The following ERC2 variants were observed in gnomAD, a reference collection of about 807,000 sequenced individuals.
ERC2 encodes ERC protein 2.
ERC2 carries 42 observed loss-of-function variants against 114.8 expected under a neutral mutation model. The ratio of observed to expected loss-of-function variants is 0.37; its 90% CI spans 0.29 to 0.47. The LOEUF (loss-of-function observed/expected upper bound fraction) is 0.47, where lower values mean the gene tolerates loss of function less well. Among genes scored for constraint, ERC2 ranks in the 20% least tolerant of loss-of-function variants. The probability of loss-of-function intolerance (pLI) is 0.99; values close to 1 mark genes in which losing one functional copy is unlikely to be tolerated. For missense variants in ERC2, 939 were observed against 1,150.7 expected, an observed-to-expected ratio of 0.82 and a Z score of 2.66; for synonymous variants, 454 against 425.5, an observed-to-expected ratio of 1.07 and a Z score of -0.82.
At chr3:56,069,758 A>T (rs908747736) in intron 7 of ERC2, among the ~76,000 whole-genome samples, 1 of 152,216 alleles carries the variant, frequency 6.6e-6, no homozygotes, top group African/African-American at 2.4e-5. Flanking sequence ...TGGTTCTCAA[A>T]ATCAGCAATC....
chr3:56,147,037 T>C (rs1212546094), intron 5 of ERC2, among the ~76,000 whole-genome samples: 1 of 152,218 alleles, frequency 6.6e-6, no homozygotes, highest in East Asian at 1.9e-4. Context: ...ACAAATTTCA[T>C]GACATTTTCA....
chr3:56,033,354 T>C (rs1449625415), intron 7 of ERC2, among the ~76,000 whole-genome samples: 1 of 152,256 alleles, frequency 6.6e-6, no homozygotes, highest in African/African-American at 2.4e-5. Context: ...TGTTCCACTA[T>C]TACAGTTTTA....
At chr3:56,267,622 A>AG (rs2053403468) in intron 3 of ERC2, among the ~76,000 whole-genome samples, 1 of 151,414 alleles carries the variant, frequency 6.6e-6, no homozygotes, top group African/African-American at 2.4e-5. Context: ...ATACAAAAAA[A>AG]AAAAAAATTA....
intron 2 of ERC2, among the ~76,000 whole-genome samples, chr3:56,407,583 C>A (rs1467068647): frequency 6.6e-6 from 1 of 152,178 alleles, no homozygotes; most frequent in African/African-American, 2.4e-5. Context: ...TACACACACA[C>A]ATCACCTGGG....
chr3:55,877,636 C>T lies in ERC2; in HGVS notation c.2564+10753G>A, dbSNP rs573243752. ...AAGAGATCCTCCCATCTCAGCCTCCCGAGTAGCTGGGACCACAGGTACACA... is the reference window on the plus strand; with the variant it reads ...AAGAGATCCTCCCATCTCAGCCTCCTGAGTAGCTGGGACCACAGGTACACA... On this transcript the variant is annotated intron_variant, in intron 14 of 17. Transcript: ENST00000288221. Among the ~76,000 whole-genome samples, 9 of 151,920 alleles carry T rather than the reference C, an allele frequency of 5.9e-5. No homozygotes were observed. The South Asian group carries it at 8.3e-4, about 14-fold the overall frequency.
chr3:55,934,388 GTACA>G (rs367607645), intron 13 of ERC2, among the ~76,000 whole-genome samples: 165 of 152,276 alleles, frequency 1.1e-3, no homozygotes, highest in African/African-American at 3.8e-3. Flanking sequence ...CATTTCCAGA[GTACA>G]CTCCCATGCA....
intron 13 of ERC2, among the ~76,000 whole-genome samples, chr3:55,921,939 C>T (rs2065454648): frequency 6.6e-6 from 1 of 152,182 alleles, no homozygotes; most frequent in South Asian, 2.1e-4. Context: ...ACTCTCTCTA[C>T]CTCTTTGCTC....
chr3:55,972,881 G>A lies in ERC2; in HGVS notation c.2267+13096C>T, dbSNP rs117748377. On this transcript the variant is annotated intron_variant, in intron 12 of 17. Coordinates refer to ENST00000288221, the MANE Select transcript of ERC2 (RefSeq NM_015576.3). ...AAGGGCCATTTAGGCAATGGGAAAC[G>A]TATGCTCCAATATAGAGAGATGGGA... Among the ~76,000 whole-genome samples, 1,043 of 152,264 alleles carry A rather than the reference G, an allele frequency of 6.8e-3. 26 individuals carry two copies. The highest frequency in any genetic ancestry group is 0.043 in the Admixed American group (651 of 15,296).
chr3:55,778,423 C>T (rs939237022), intron 14 of ERC2, among the ~76,000 whole-genome samples: 5 of 152,198 alleles, frequency 3.3e-5, no homozygotes, highest in African/African-American at 4.8e-5. Flanking sequence ...TTTCACTAGA[C>T]ATAATGCCTA....
intron 14 of ERC2, among the ~76,000 whole-genome samples, chr3:55,828,865 G>C (rs1436011337): frequency 6.6e-6 from 1 of 152,194 alleles, no homozygotes; most frequent in Non-Finnish European, 1.5e-5. Flanking sequence ...CAGGCCTGGT[G>C]AGGTGGCTCA....
At chr3:55,919,743 A>C (rs939958679) in intron 13 of ERC2, among the ~76,000 whole-genome samples, 5 of 152,194 alleles carry the variant, frequency 3.3e-5, no homozygotes, top group Non-Finnish European at 7.4e-5. Flanking sequence ...GGGGTAGCCC[A>C]GGAAGGCCCT....
At chr3:56,398,220 C>T (rs1216192213) in intron 2 of ERC2, among the ~76,000 whole-genome samples, 1 of 152,194 alleles carries the variant, frequency 6.6e-6, no homozygotes, top group Admixed American at 6.5e-5. Flanking sequence ...TATGTATCTG[C>T]TTTTGTACAC....
chr3:55,691,677 CT>C (rs1337299614), intron 16 of ERC2, among the ~76,000 whole-genome samples: 1 of 143,718 alleles, frequency 7.0e-6, no homozygotes, highest in Non-Finnish European at 1.5e-5. Context: ...AAACATGTAA[CT>C]TTTCTTATCA....
rs114641388 is a variant in ERC2 at position 55,702,007 on chromosome 3, G to A, written c.2713-2495C>T. ...TAATAATTCTGCTATTGTAAACATC[G>A]TAATATCCTCATCCTTTGGGGAAGC... On this transcript the variant is annotated intron_variant, in intron 15 of 17. Coordinates refer to ENST00000288221, the MANE Select transcript of ERC2 (RefSeq NM_015576.3). Among the ~76,000 whole-genome samples, 860 of 152,232 alleles carry A rather than the reference G, an allele frequency of 5.6e-3. 4 individuals carry two copies. The highest frequency in any genetic ancestry group is 0.011 in the Admixed American group (172 of 15,286).
intron 17 of ERC2, among the ~76,000 whole-genome samples, chr3:55,590,612 C>G (rs2057826523): frequency 1.3e-5 from 2 of 152,196 alleles, no homozygotes; most frequent in Non-Finnish European, 2.9e-5. Flanking sequence ...GATACAGTAT[C>G]AAGCCAACTG....
intron 17 of ERC2, among the ~76,000 whole-genome samples, chr3:55,521,955 T>C (rs2052977313): frequency 6.6e-6 from 1 of 152,196 alleles, no homozygotes; most frequent in South Asian, 2.1e-4. Context: ...AAATGCTGGG[T>C]GTATGCCTGC....
At chr3:56,211,379 A>C (rs2049048631) in intron 3 of ERC2, among the ~76,000 whole-genome samples, 1 of 152,186 alleles carries the variant, frequency 6.6e-6, no homozygotes. Context: ...TAAAATACTT[A>C]GGAATATACT....
chr3:56,121,271 G>A (rs754619561), intron 6 of ERC2, among the ~76,000 whole-genome samples: 25 of 152,026 alleles, frequency 1.6e-4, no homozygotes, highest in Non-Finnish European at 2.6e-4. Context: ...TCGGTTCATC[G>A]ATCTTTCTGA....
intron 17 of ERC2, among the ~76,000 whole-genome samples, chr3:55,550,827 T>A (rs547588944): frequency 6.6e-6 from 1 of 151,830 alleles, no homozygotes; most frequent in African/African-American, 2.4e-5. Context: ...CCATCCTGGC[T>A]AACACGGTGA....
Sources: gnomAD v4.1 joint callset for allele counts (sites outside exome capture counted in the v4.1 genomes callset) on GRCh38, gnomAD v4.1.1 for gene constraint, MANE v1.5 for transcripts, NCBI Gene and HGNC (gene_info 2026-07-23, HGNC 2026-07-21) for gene names.